CCNH: variants seen among roughly 807,000 people sequenced by gnomAD.
CCNH encodes cyclin-H.
Under a neutral mutation model 41.9 loss-of-function variants are expected in CCNH, and 31 were observed. That is an observed-to-expected ratio of 0.74 (90% CI 0.56 to 1.00). The LOEUF is 1.00. CCNH is among the 50% of genes least tolerant of loss of function. CCNH has a pLI of 0.00. For missense variants in CCNH, 362 were observed against 388.4 expected (o/e 0.93, Z 0.57); for synonymous variants, 138 against 136.1 (o/e 1.01, Z -0.10).
In CCNH at chr5:87,412,765, G is replaced by A; in HGVS notation, c.30C>T (p.His10=). 1 of 1,614,192 alleles carries A rather than the reference G, an allele frequency of 6.2e-7. No homozygotes were observed. The highest frequency in any genetic ancestry group is 8.5e-7 in the Non-Finnish European group (1 of 1,180,040). ...GCTGCTCCTCGCTGGAGAAGGTCCA[G>A]TGCCGCTTCTGACTACTGTTGTGGT... MYHNSSQKR[H]WTFSSEEQLA... The change falls in exon 1 of 9, where the codon CAC becomes CAT. Residue 10 remains histidine (H), a synonymous_variant. Coordinates refer to ENST00000256897, the MANE Select transcript of CCNH (RefSeq NM_001239.4).
At chr5:87,405,153 T>C (rs775744893) in intron 4 of CCNH, 146 bp from the exon 5 acceptor site, 2 of 574,380 alleles carry the variant, frequency 3.5e-6, no homozygotes, top group Non-Finnish European at 6.0e-6. Context: ...TGTCCTCAAT[T>C]TACATTAATC....
intron 9 of CCNH, among the ~76,000 whole-genome samples, chr5:87,354,557 C>T (rs1759511956): frequency 6.6e-6 from 1 of 152,104 alleles, no homozygotes; most frequent in African/African-American, 2.4e-5. Flanking sequence ...GTTTCTCTTC[C>T]TCTCCTTGGG....
At chr5:87,324,958 T>C (rs1216003623) in intron 9 of CCNH, among the ~76,000 whole-genome samples, 1 of 151,268 alleles carries the variant, frequency 6.6e-6, no homozygotes, top group Non-Finnish European at 1.5e-5. Context: ...AATTTTTTTA[T>C]TTTTTTTTAA....
chr5:87,337,929 A>G (rs772833854), intron 9 of CCNH: 1 of 1,529,774 alleles, frequency 6.5e-7, no homozygotes, highest in South Asian at 1.2e-5. Context: ...TAATCTCTGT[A>G]TTTAAAATTT....
upstream of CCNH, among the ~76,000 whole-genome samples, chr5:87,381,829 T>G (rs1425023150): frequency 6.6e-6 from 1 of 151,938 alleles, no homozygotes; most frequent in Non-Finnish European, 1.5e-5. Flanking sequence ...TGCAAGAGGG[T>G]GTTTTAGGGC....
intron 5 of CCNH, 71 bp downstream of exon 5, chr5:87,404,773 G>T: frequency 8.3e-7 from 1 of 1,199,732 alleles, no homozygotes; most frequent in Non-Finnish European, 1.2e-6. Flanking sequence ...AAAGATTACA[G>T]TCAGAAATGA....
rs1285477843 is a variant in CCNH at position 87,333,464 on chromosome 5, A to G, written c.*91-14567T>C. The G allele has an allele frequency of 3.7e-5, 52 of 1,417,040 alleles. No homozygotes were observed. The Middle Eastern group carries it at 5.5e-4, about 15-fold the overall frequency. The allele number at this position is 1,417,040 out of a possible 1,614,324, so 87.8% of individuals were successfully genotyped here. A position where few individuals can be genotyped will look rare whatever the true frequency, so the allele number is the denominator to read the frequency against. ...ATACAGCAAGGTGAAAGAGCTTTTGATATTGGGTCTGTTGGTCCTGTATCT... is the reference window on the plus strand; with the variant it reads ...ATACAGCAAGGTGAAAGAGCTTTTGGTATTGGGTCTGTTGGTCCTGTATCT... On this transcript the variant is annotated intron_variant and NMD_transcript_variant, in intron 9 of 9. Transcript: ENST00000645953.
chr5:87,390,251 A>T (rs1387105565), downstream of CCNH, among the ~76,000 whole-genome samples: 1 of 152,192 alleles, frequency 6.6e-6, no homozygotes, highest in Non-Finnish European at 1.5e-5. Context: ...AGAGGAAGTG[A>T]CCACAGGGAC....
chr5:87,369,120 G>T (rs1760740652), intron 9 of CCNH, among the ~76,000 whole-genome samples: 1 of 152,134 alleles, frequency 6.6e-6, no homozygotes. Flanking sequence ...GCAGGAAACA[G>T]AAGTAACATT....
At chr5:87,319,547 A>C (rs1048762434) in intron 9 of CCNH, among the ~76,000 whole-genome samples, 3 of 152,218 alleles carry the variant, frequency 2.0e-5, no homozygotes, top group Non-Finnish European at 4.4e-5. Flanking sequence ...CCATGGCCCG[A>C]GTTGTACATT....
At chr5:87,392,298 T>G (rs1222296946), downstream of CCNH, 2 of 455,986 alleles carry the variant, frequency 4.4e-6, no homozygotes, top group South Asian at 3.1e-5. Context: ...TTAAAAGATG[T>G]CTGCTTAGTA....
downstream of CCNH, chr5:87,374,368 G>C (rs753169314): frequency 1.3e-6 from 2 of 1,538,470 alleles, no homozygotes; most frequent in Non-Finnish European, 1.8e-6. Context: ...TTACCATATT[G>C]CATTTCTTTC....
At chr5:87,390,751 T>C, downstream of CCNH, 1 of 1,500,196 alleles carries the variant, frequency 6.7e-7, no homozygotes. Flanking sequence ...CATCCTGAAA[T>C]TGCTGACCGA....
At chr5:87,374,129 G>A, downstream of CCNH, 4 of 1,304,444 alleles carry the variant, frequency 3.1e-6, no homozygotes, top group Non-Finnish European at 3.9e-6. Flanking sequence ...AGAAATCTGG[G>A]GTAATATATA....
intron 9 of CCNH, among the ~76,000 whole-genome samples, chr5:87,347,604 A>G (rs1361216898): frequency 6.6e-6 from 1 of 152,004 alleles, no homozygotes; most frequent in Non-Finnish European, 1.5e-5. Flanking sequence ...AATTGTTTTA[A>G]TCCATAAAGC....
At chr5:87,355,361 T>C (rs1759572982) in intron 9 of CCNH, among the ~76,000 whole-genome samples, 2 of 152,162 alleles carry the variant, frequency 1.3e-5, no homozygotes, top group Admixed American at 1.3e-4. Context: ...CCTAGGAGCA[T>C]CAGAATTATG....
chr5:87,336,825 CT>C (rs1758008623), intron 9 of CCNH, among the ~76,000 whole-genome samples: 1 of 151,908 alleles, frequency 6.6e-6, no homozygotes, highest in African/African-American at 2.4e-5. Context: ...TGCCATTCAG[CT>C]AGTGAAATAT....
chr5:87,392,115 C>CAGAT (rs902895175), downstream of CCNH: 4 of 375,846 alleles, frequency 1.1e-5, no homozygotes, highest in East Asian at 1.2e-4. Context: ...TTGTGCAGGG[C>CAGAT]AGATAGATAG....
chr5:87,347,518 T>C (rs1758948178), intron 9 of CCNH, among the ~76,000 whole-genome samples: 1 of 152,010 alleles, frequency 6.6e-6, no homozygotes, highest in Non-Finnish European at 1.5e-5. Flanking sequence ...TCTTCAAAAA[T>C]GTTGACTATT....
Sources: gnomAD v4.1 joint callset for allele counts (sites outside exome capture counted in the v4.1 genomes callset) on GRCh38, gnomAD v4.1.1 for gene constraint, MANE v1.5 for transcripts, NCBI Gene and HGNC (gene_info 2026-07-23, HGNC 2026-07-21) for gene names.